The following MYG1 variants were observed in gnomAD, a reference collection of about 807,000 sequenced individuals.
MYG1 encodes the protein MYG1 exonuclease, also known as UPF0160 protein MYG1, mitochondrial.
In MYG1, 36 loss-of-function variants were observed where a neutral mutation model predicts 43.5. The observed-to-expected ratio is 0.83, with a 90% CI of 0.63 to 1.09. The LOEUF (loss-of-function observed/expected upper bound fraction) is 1.09. Ranked by LOEUF, MYG1 falls within the 50% of genes least tolerant of loss-of-function variation. The probability of loss-of-function intolerance (pLI) is 0.00; values close to 1 mark genes in which losing one functional copy is unlikely to be tolerated. For missense variants in MYG1, 529 were observed against 495.1 expected, an observed-to-expected ratio of 1.07 and a Z score of -0.65; for synonymous variants, 220 against 202.8, an observed-to-expected ratio of 1.08 and a Z score of -0.72.
intron 3 of MYG1, 193 bp downstream of exon 3, chr12:53,303,386 G>A (rs1356104080): frequency 5.5e-5 from 33 of 598,466 alleles, no homozygotes; most frequent in Non-Finnish European, 7.8e-5. Context: ...TACATCCTGG[G>A]GTGGTTGTGA....
At position 53,299,705 on chromosome 12, in the gene MYG1, T is replaced by G; in HGVS notation, c.-33T>G. ...CTGCGCTGGCGCTTCCTCTTCCGGG[T>G]CGGCGCTCCTGCCTCCCTGCAGGGA... is the stretch of plus-strand genomic sequence containing the variant. On this transcript the variant is annotated 5_prime_UTR_variant, in exon 1 of 7. Transcript: ENST00000267103. 6.4e-7 allele frequency: 1 copy of G among 1,570,900 alleles called. No individual in the cohort carries two copies. The highest frequency in any genetic ancestry group is 8.7e-7 in the Non-Finnish European group (1 of 1,154,760).
intron 2 of MYG1, among the ~76,000 whole-genome samples, chr12:53,300,542 A>G (rs1944221480): frequency 6.6e-6 from 1 of 151,830 alleles, no homozygotes. Context: ...CATCACCCCA[A>G]CTAAATAAAC....
chr12:53,301,268 C>T (rs1028757127), intron 2 of MYG1, among the ~76,000 whole-genome samples: 37 of 152,180 alleles, frequency 2.4e-4, no homozygotes, highest in African/African-American at 8.9e-4. Flanking sequence ...CTCTCCTTCC[C>T]TACAGCCTAA....
chr12:53,303,279 G>A lies in MYG1; in HGVS notation c.489+86G>A, dbSNP rs569521108. ...GTGCTCACACAGCACTCAGCACTGGGCCTCGGGTCAGGGTTCCTGGCCTAT... is the reference window on the plus strand; with the variant it reads ...GTGCTCACACAGCACTCAGCACTGGACCTCGGGTCAGGGTTCCTGGCCTAT... On this transcript the variant is annotated intron_variant, in intron 3 of 6. Coordinates refer to ENST00000267103, the MANE Select transcript of MYG1 (RefSeq NM_021640.4). The A allele has an allele frequency of 1.6e-4, 233 of 1,477,084 alleles. 2 individuals carry two copies. In the African/African-American group the frequency reaches 2.7e-3, roughly 17 times the overall value. 91.5% of individuals were successfully genotyped at this position (1,477,084 alleles called of 1,614,324 possible).
intron 1 of MYG1, 21 bp downstream of exon 1, chr12:53,299,974 C>A: frequency 6.2e-7 from 1 of 1,613,252 alleles, no homozygotes; most frequent in East Asian, 2.2e-5. Flanking sequence ...CGAAAAGTGA[C>A]CCTGGGACTG....
chr12:53,305,503 C>G (rs1944266975), intron 3 of MYG1, among the ~76,000 whole-genome samples: 1 of 152,170 alleles, frequency 6.6e-6, no homozygotes, highest in Non-Finnish European at 1.5e-5. Context: ...AGAGCCGCTC[C>G]TGCACCTCAT....
chr12:53,300,127 C>T (rs751548370), intron 1 of MYG1, 23 bp from the exon 2 acceptor site: 2 of 1,578,276 alleles, frequency 1.3e-6, no homozygotes, highest in Non-Finnish European at 1.7e-6. Context: ...CCGGCAGCCC[C>T]TTCACCCCTG....
At position 53,300,272 on chromosome 12, in the gene MYG1, C is replaced by T; in HGVS notation, c.329+10C>T. On this transcript the variant is annotated intron_variant, in intron 2 of 6. Coordinates refer to ENST00000267103, the MANE Select transcript of MYG1 (RefSeq NM_021640.4). ...ATGACCATCACCAGAGGTAGGTTCTCAGATACCATTTATTTAACTTCCTTG... is the reference window on the plus strand; with the variant it reads ...ATGACCATCACCAGAGGTAGGTTCTTAGATACCATTTATTTAACTTCCTTG... The T allele has an allele frequency of 6.5e-7, 1 of 1,537,156 alleles. No homozygotes were observed. The highest frequency in any genetic ancestry group is 2.0e-5 in the Admixed American group (1 of 48,898).
chr12:53,299,729 G>C lies in MYG1; in HGVS notation c.-9G>C, dbSNP rs554276449. The C allele has an allele frequency of 1.9e-6, 3 of 1,608,764 alleles. No individual in the cohort carries two copies. The highest frequency in any genetic ancestry group is 1.3e-5 in the African/African-American group (1 of 74,704). ...GTCGGCGCTCCTGCCTCCCTGCAGG[G>C]AGCTGCTTATGGGACACCAATTCCT... On this transcript the variant is annotated 5_prime_UTR_variant, in exon 1 of 7. Coordinates refer to ENST00000267103, the MANE Select transcript of MYG1 (RefSeq NM_021640.4).
At chr12:53,301,837 C>T (rs1944234826) in intron 2 of MYG1, among the ~76,000 whole-genome samples, 1 of 151,472 alleles carries the variant, frequency 6.6e-6, no homozygotes, top group South Asian at 2.1e-4. Context: ...TACAGGCGCC[C>T]AGCTAATTTT....
intron 2 of MYG1, among the ~76,000 whole-genome samples, chr12:53,302,504 G>T (rs1305515877): frequency 6.6e-6 from 1 of 152,116 alleles, no homozygotes; most frequent in Non-Finnish European, 1.5e-5. Flanking sequence ...ATGCTGGCTG[G>T]TGCAATGCTG....
At chr12:53,302,196 G>A (rs1045591033) in intron 2 of MYG1, among the ~76,000 whole-genome samples, 9 of 152,002 alleles carry the variant, frequency 5.9e-5, no homozygotes, top group Admixed American at 3.3e-4. Context: ...TGGCCAGGCT[G>A]GTCTCAAACT....
intron 3 of MYG1, among the ~76,000 whole-genome samples, chr12:53,304,973 A>G (rs1298341704): frequency 2.8e-5 from 4 of 142,016 alleles, no homozygotes; most frequent in South Asian, 2.2e-4. Flanking sequence ...GGTTCACGCC[A>G]TTGTCCTGCC....
intron 3 of MYG1, among the ~76,000 whole-genome samples, chr12:53,304,142 C>A (rs535312431): frequency 6.6e-6 from 1 of 151,994 alleles, no homozygotes; most frequent in South Asian, 2.1e-4. Context: ...TGCACCCGGC[C>A]CATCAGTTCT....
At chr12:53,301,611 G>A (rs1371357461) in intron 2 of MYG1, among the ~76,000 whole-genome samples, 1 of 152,178 alleles carries the variant, frequency 6.6e-6, no homozygotes, top group Non-Finnish European at 1.5e-5. Context: ...AAGGGCACCA[G>A]TTACCTCAGC....
In MYG1 at chr12:53,307,079, C is replaced by T. The variant is rs150400421; in HGVS notation, c.1061C>T (p.Thr354Ile). The T allele has an allele frequency of 2.6e-4, 414 of 1,614,112 alleles. 1 individual carries two copies. Among genetic ancestry groups the T allele is most frequent in the Middle Eastern group, 3.3e-4 (2 of 6,084 alleles). Residue 354 changes from threonine (T) to isoleucine (I), a missense_variant, in exon 7 of 7, where the codon ACC (threonine) becomes ATC (isoleucine). Coordinates refer to ENST00000267103, the MANE Select transcript of MYG1 (RefSeq NM_021640.4). ...AGCGGCTTCACTGGCGGTCACCACA[C>T]CCGAGAGGGTGCCTTGAGCATGGCC... is the stretch of plus-strand genomic sequence containing the variant. ...HASGFTGGHH[T>I]REGALSMARA...
intron 2 of MYG1, among the ~76,000 whole-genome samples, chr12:53,300,992 T>C (rs977074430): frequency 6.6e-6 from 1 of 151,502 alleles, no homozygotes; most frequent in Non-Finnish European, 1.5e-5. Context: ...CGATCTCGGC[T>C]CACTGCAACC....
chr12:53,300,016 T>C, intron 1 of MYG1, 63 bp downstream of exon 1: 1 of 1,592,498 alleles, frequency 6.3e-7, no homozygotes, highest in South Asian at 1.1e-5. Flanking sequence ...TGGATGGCAT[T>C]CCGCCAACAG....
intron 3 of MYG1, chr12:53,303,417 T>C: frequency 2.0e-6 from 1 of 501,004 alleles, no homozygotes; most frequent in African/African-American, 2.0e-5. Context: ...CTGTAATATA[T>C]GGGGAAGGGC....
Sources: gnomAD v4.1 joint callset for allele counts (sites outside exome capture counted in the v4.1 genomes callset) on GRCh38, gnomAD v4.1.1 for gene constraint, MANE v1.5 for transcripts, NCBI Gene and HGNC (gene_info 2026-07-23, HGNC 2026-07-21) for gene names.